CNTNAP5: variants seen among roughly 807,000 people sequenced by gnomAD.
CNTNAP5 encodes contactin-associated protein-like 5.
In CNTNAP5, 72 loss-of-function variants were observed where a neutral mutation model predicts 150.2. The ratio of observed to expected loss-of-function variants is 0.48; its 90% CI spans 0.40 to 0.58. The LOEUF (loss-of-function observed/expected upper bound fraction) is 0.58, where lower values mean the gene tolerates loss of function less well. Ranked by LOEUF, CNTNAP5 falls within the 20% of genes least tolerant of loss-of-function variation. CNTNAP5 has a pLI of 0.00. For synonymous variants in CNTNAP5, 672 were observed against 619.8 expected, an observed-to-expected ratio of 1.08 and a Z score of -1.25; for missense variants, 1,636 against 1,626.2, an observed-to-expected ratio of 1.01 and a Z score of -0.10.
chr2:124,156,832 G>A (rs1684559899), intron 1 of CNTNAP5, among the ~76,000 whole-genome samples: 1 of 152,128 alleles, frequency 6.6e-6, no homozygotes, highest in Admixed American at 6.6e-5. Context: ...GGTAGTTCGG[G>A]ATCAAACTTC....
chr2:124,709,473 A>G (rs546253653), intron 13 of CNTNAP5, among the ~76,000 whole-genome samples: 8 of 152,298 alleles, frequency 5.3e-5, no homozygotes, highest in African/African-American at 1.9e-4. Context: ...TTGTATAACC[A>G]ATTGAAGAGG....
At chr2:124,108,419 T>C (rs927588586) in intron 1 of CNTNAP5, among the ~76,000 whole-genome samples, 12 of 152,284 alleles carry the variant, frequency 7.9e-5, no homozygotes, top group African/African-American at 2.9e-4. Flanking sequence ...ATGTTATTGC[T>C]TAGGGACCAT....
chr2:124,681,563 G>A (rs1181740996), intron 13 of CNTNAP5, among the ~76,000 whole-genome samples: 2 of 151,966 alleles, frequency 1.3e-5, no homozygotes, highest in African/African-American at 4.8e-5. Flanking sequence ...ATTTTTGTTT[G>A]TTTGTTTTCT....
At chr2:124,891,648 T>C (rs566205214) in intron 21 of CNTNAP5, among the ~76,000 whole-genome samples, 1 of 152,296 alleles carries the variant, frequency 6.6e-6, no homozygotes, top group Non-Finnish European at 1.5e-5. Flanking sequence ...GGAAACTGTG[T>C]ACATATTTAA....
intron 13 of CNTNAP5, among the ~76,000 whole-genome samples, chr2:124,659,715 A>G (rs1678544057): frequency 1.3e-5 from 2 of 152,156 alleles, no homozygotes; most frequent in South Asian, 4.1e-4. Context: ...TAAGGAGCCT[A>G]TCCCCCTACA....
At chr2:124,588,222 TTC>T (rs750788385) in intron 11 of CNTNAP5, among the ~76,000 whole-genome samples, 52 of 141,276 alleles carry the variant, frequency 3.7e-4, no homozygotes, top group Non-Finnish European at 6.8e-4. Flanking sequence ...CTTTCTTTCT[TTC>T]TTTCTTTCTT....
At chr2:124,589,252 T>A (rs558100698) in intron 11 of CNTNAP5, among the ~76,000 whole-genome samples, 1 of 152,222 alleles carries the variant, frequency 6.6e-6, no homozygotes, top group East Asian at 1.9e-4. Context: ...TATAGGCTTG[T>A]CTAATTTGGA....
intron 1 of CNTNAP5, among the ~76,000 whole-genome samples, chr2:124,096,274 T>C (rs941489872): frequency 2.0e-5 from 3 of 152,178 alleles, no homozygotes; most frequent in African/African-American, 7.2e-5. Flanking sequence ...TTTTTCATAT[T>C]TTATATCTAT....
intron 6 of CNTNAP5, among the ~76,000 whole-genome samples, chr2:124,458,935 CA>C (rs376849013): frequency 7.9e-5 from 12 of 151,954 alleles, no homozygotes; most frequent in African/African-American, 2.9e-4. Context: ...TGGAAGAAAA[CA>C]GAAATATTTT....
chr2:124,713,044 A>G (rs191961250), intron 13 of CNTNAP5, among the ~76,000 whole-genome samples: 1 of 152,242 alleles, frequency 6.6e-6, no homozygotes, highest in East Asian at 1.9e-4. Context: ...AATTTAGAGA[A>G]GTGGAGGTCA....
rs537634086 is a variant in CNTNAP5, at chr2:124,616,434, G to A, written c.1876+6514G>A. ...CTCAGCCTTTATAGAATTGAAGAGG[G>A]TTAGGGCCTTGCTCTGGGTTAGGCT... On this transcript the variant is annotated intron_variant, in intron 12 of 23. Transcript: ENST00000682447. Among the ~76,000 whole-genome samples the A allele has an allele frequency of 3.9e-5, 6 of 152,262 alleles. No individual in the cohort carries two copies. The East Asian group carries it at 1.2e-3, about 29-fold the overall frequency.
At chr2:124,776,994 C>A (rs1287353236) in intron 17 of CNTNAP5, among the ~76,000 whole-genome samples, 1 of 151,880 alleles carries the variant, frequency 6.6e-6, no homozygotes, top group African/African-American at 2.4e-5. Flanking sequence ...TGTCCCCTTA[C>A]CAATTACATA....
intron 1 of CNTNAP5, among the ~76,000 whole-genome samples, chr2:124,186,295 A>G (rs904049783): frequency 6.6e-6 from 1 of 152,250 alleles, no homozygotes; most frequent in African/African-American, 2.4e-5. Flanking sequence ...ATGTTTAGAC[A>G]AAAATTACTG....
intron 6 of CNTNAP5, among the ~76,000 whole-genome samples, chr2:124,474,507 G>A (rs1227021111): frequency 6.6e-6 from 1 of 151,992 alleles, no homozygotes; most frequent in Non-Finnish European, 1.5e-5. Flanking sequence ...GGTTCAGAAA[G>A]GAAGTGAAAA....
chr2:124,760,885 T>C (rs142084319), intron 14 of CNTNAP5, among the ~76,000 whole-genome samples: 383 of 152,298 alleles, frequency 2.5e-3, no homozygotes, highest in African/African-American at 8.7e-3. Flanking sequence ...TATTGAATTA[T>C]TGTTATTATT....
chr2:124,107,179 A>G (rs947215341), intron 1 of CNTNAP5, among the ~76,000 whole-genome samples: 7 of 152,092 alleles, frequency 4.6e-5, no homozygotes, highest in Admixed American at 4.6e-4. Context: ...ACCTCTGATG[A>G]TGGGCTTGGG....
At chr2:124,114,847 A>G (rs1683387519) in intron 1 of CNTNAP5, among the ~76,000 whole-genome samples, 1 of 151,516 alleles carries the variant, frequency 6.6e-6, no homozygotes, top group Admixed American at 6.6e-5. Flanking sequence ...TATATTTATA[A>G]TATTGAAGGT....
chr2:124,818,725 A>T (rs536543698), intron 19 of CNTNAP5, among the ~76,000 whole-genome samples: 2 of 152,194 alleles, frequency 1.3e-5, no homozygotes, highest in East Asian at 3.9e-4. Context: ...TCTGGACTGC[A>T]GTAGTCTCTT....
chr2:124,174,614 G>A (rs891843419), intron 1 of CNTNAP5, among the ~76,000 whole-genome samples: 2 of 152,186 alleles, frequency 1.3e-5, no homozygotes, highest in African/African-American at 2.4e-5. Context: ...AGTGTGAGAC[G>A]TTGCTACTTA....
Sources: allele counts gnomAD v4.1 joint callset (sites outside exome capture counted in the v4.1 genomes callset), GRCh38; gene constraint gnomAD v4.1.1; transcripts MANE v1.5; gene names NCBI Gene and HGNC (gene_info 2026-07-23, HGNC 2026-07-21).